RBFOX1: variants seen among roughly 807,000 people sequenced by gnomAD.
The protein encoded by RBFOX1 is RNA binding fox-1 homolog 1.
In RBFOX1, 8 loss-of-function variants were observed where a neutral mutation model predicts 57.7. The ratio of observed to expected loss-of-function variants is 0.14; its 90% CI spans 0.08 to 0.25. The LOEUF (loss-of-function observed/expected upper bound fraction) is 0.25. Among genes scored for constraint, RBFOX1 ranks in the 10% least tolerant of loss-of-function variants. RBFOX1 has a pLI of 1.00. For synonymous variants in RBFOX1, 326 were observed against 222.4 expected, an observed-to-expected ratio of 1.47 and a Z score of -4.15; for missense variants, 611 against 548.5, an observed-to-expected ratio of 1.11 and a Z score of -1.14.
chr16:6,520,206 G>C (rs2096471786), intron 2 of RBFOX1, among the ~76,000 whole-genome samples: 1 of 152,084 alleles, frequency 6.6e-6, no homozygotes, highest in Admixed American at 6.5e-5. Context: ...AAGTTATGAT[G>C]GTATGTGCTT....
intron 3 of RBFOX1, among the ~76,000 whole-genome samples, chr16:6,697,556 C>A (rs1354586836): frequency 1.3e-5 from 2 of 152,188 alleles, no homozygotes; most frequent in African/African-American, 4.8e-5. Context: ...TCCATTCTCA[C>A]TGGAGCAGCT....
At chr16:5,790,292 A>G (rs887096083) in intron 3 of RBFOX1, among the ~76,000 whole-genome samples, 3 of 152,176 alleles carry the variant, frequency 2.0e-5, no homozygotes, top group Non-Finnish European at 2.9e-5. Context: ...AACCAGGAAG[A>G]ATACAAGAAT....
At chr16:5,873,172 A>G (rs1003805043) in intron 4 of RBFOX1, among the ~76,000 whole-genome samples, 9 of 151,674 alleles carry the variant, frequency 5.9e-5, no homozygotes, top group Admixed American at 1.3e-4. Flanking sequence ...ACAAACAACA[A>G]CAACAACAAC....
At chr16:6,259,737 C>T (rs934985698) in intron 1 of RBFOX1, among the ~76,000 whole-genome samples, 1 of 152,088 alleles carries the variant, frequency 6.6e-6, no homozygotes, top group Admixed American at 6.5e-5. Context: ...GCGGATGGAT[C>T]ACCTGAGGTC....
intron 2 of RBFOX1, among the ~76,000 whole-genome samples, chr16:5,565,221 A>G (rs770167389): frequency 6.6e-6 from 1 of 152,118 alleles, no homozygotes; most frequent in Non-Finnish European, 1.5e-5. Flanking sequence ...TTGCTAAGCT[A>G]TCTCCATGAT....
intron 2 of RBFOX1, among the ~76,000 whole-genome samples, chr16:6,336,181 ATTTTTTTTTTTTTTTTTT>A (rs1156246510): frequency 2.2e-4 from 6 of 27,010 alleles, no homozygotes; most frequent in Admixed American, 8.4e-4. Context: ...ATATATATAT[ATTTTTTTTTTTTTTTTTT>A]TTTTTTTTTT....
chr16:7,071,113 T>C (rs2057247466), intron 4 of RBFOX1, among the ~76,000 whole-genome samples: 1 of 152,164 alleles, frequency 6.6e-6, no homozygotes, highest in African/African-American at 2.4e-5. Context: ...CTTAACACAT[T>C]ACAATTTCTT....
chr16:7,490,131 G>T (rs2066540578), intron 4 of RBFOX1, among the ~76,000 whole-genome samples: 1 of 152,158 alleles, frequency 6.6e-6, no homozygotes, highest in Non-Finnish European at 1.5e-5. Flanking sequence ...GGAGGCTGCA[G>T]AACTTCCTTC....
At chr16:6,243,726 C>A (rs369193009) in intron 1 of RBFOX1, among the ~76,000 whole-genome samples, 1 of 152,174 alleles carries the variant, frequency 6.6e-6, no homozygotes, top group East Asian at 1.9e-4. Flanking sequence ...AGGCTGGTGC[C>A]ACTCCATTCA....
intron 3 of RBFOX1, among the ~76,000 whole-genome samples, chr16:6,990,133 C>T (rs924949080): frequency 1.5e-4 from 23 of 152,162 alleles, no homozygotes; most frequent in Non-Finnish European, 5.9e-5. Flanking sequence ...AACTAGTAAA[C>T]GTGCCCAACA....
intron 4 of RBFOX1, among the ~76,000 whole-genome samples, chr16:7,166,826 C>T (rs1601646974): frequency 6.6e-6 from 1 of 152,158 alleles, no homozygotes; most frequent in South Asian, 2.1e-4. Context: ...GGCATCTCTC[C>T]CAGGTTGTGA....
intron 4 of RBFOX1, among the ~76,000 whole-genome samples, chr16:7,064,557 A>G (rs1239342945): frequency 6.6e-6 from 1 of 152,138 alleles, no homozygotes; most frequent in East Asian, 1.9e-4. Context: ...ATCACCTACC[A>G]GTCAAAGGAG....
intron 3 of RBFOX1, among the ~76,000 whole-genome samples, chr16:5,794,445 A>G (rs4356482): frequency 0.43 from 64,720 of 151,924 alleles, 14,011 homozygotes; most frequent in East Asian, 0.47. Flanking sequence ...ATAAAATATT[A>G]CAAACACCAA....
intron 1 of RBFOX1, among the ~76,000 whole-genome samples, chr16:6,102,891 G>C (rs1016730242): frequency 4.6e-5 from 7 of 152,052 alleles, no homozygotes; most frequent in Non-Finnish European, 1.0e-4. Context: ...GGGGTCATTT[G>C]GGGTTTTTTT....
chr16:7,380,175 T>C (rs1374896222), intron 4 of RBFOX1, among the ~76,000 whole-genome samples: 1 of 152,316 alleles, frequency 6.6e-6, no homozygotes, highest in East Asian at 1.9e-4. Context: ...TTTTGCTGTA[T>C]ACCTTTTGGT....
At chr16:6,930,485 C>G (rs748336139) in intron 3 of RBFOX1, among the ~76,000 whole-genome samples, 2 of 151,882 alleles carry the variant, frequency 1.3e-5, no homozygotes, top group Admixed American at 1.3e-4. Flanking sequence ...TCTCGGCTCA[C>G]TACAACCTCT....
intron 4 of RBFOX1, among the ~76,000 whole-genome samples, chr16:7,126,134 C>A (rs1329903078): frequency 6.6e-6 from 1 of 152,148 alleles, no homozygotes; most frequent in African/African-American, 2.4e-5. Context: ...GAGCTTTCTT[C>A]CCCATGAAAA....
At chr16:6,081,493 C>G (rs2096001275) in intron 1 of RBFOX1, among the ~76,000 whole-genome samples, 1 of 152,128 alleles carries the variant, frequency 6.6e-6, no homozygotes, top group South Asian at 2.1e-4. Flanking sequence ...CTCCTCTTCC[C>G]CTTTTCAATA....
intron 3 of RBFOX1, among the ~76,000 whole-genome samples, chr16:6,979,623 A>C (rs1211868191): frequency 2.6e-5 from 4 of 152,154 alleles, no homozygotes; most frequent in African/African-American, 9.7e-5. Context: ...CAGTTTGGGG[A>C]GCTCAGAACT....
Sources: allele counts gnomAD v4.1 joint callset (sites outside exome capture counted in the v4.1 genomes callset), GRCh38; gene constraint gnomAD v4.1.1; transcripts MANE v1.5; gene names NCBI Gene and HGNC (gene_info 2026-07-23, HGNC 2026-07-21).